The following MIAT variants were observed in gnomAD, a reference collection of about 807,000 sequenced individuals.
MIAT encodes the protein MI related novel mRNA.
At chr22:26,672,070 C>T (rs957676601), downstream of MIAT, 1 of 399,320 alleles carries the variant, frequency 2.5e-6, no homozygotes, top group African/African-American at 2.1e-5. Flanking sequence ...CTCAACTGCA[C>T]CCCGATCATC....
chr22:26,670,318 G>C, downstream of MIAT: 1 of 398,426 alleles, frequency 2.5e-6, no homozygotes, highest in Non-Finnish European at 4.4e-6. Flanking sequence ...AGAGTGGCTG[G>C]GGTTTGAACC....
At chr22:26,657,443 G>T in intron 2 of MIAT, 2 of 398,626 alleles carry the variant, frequency 5.0e-6, no homozygotes, top group Admixed American at 4.4e-5. Context: ...GCCTCCGCCC[G>T]CCAGCCGCTC....
rs528625303 is a variant in MIAT, at chr22:26,663,092, G to A, written n.647-224G>A. 2.6e-5 allele frequency among the ~76,000 whole-genome samples: 4 copies of A among 152,298 alleles called. No individual in the cohort carries two copies. The South Asian group carries it at 6.2e-4, about 24-fold the overall frequency. On this transcript the variant is annotated intron_variant and non_coding_transcript_variant, in intron 2 of 5. Coordinates refer to ENST00000643270, the Ensembl canonical transcript of MIAT. ...GGTCACACAGTTTGCCGGTGGCAGA[G>A]CAGCACAGGAATCCATGCCATAAAA...
chr22:26,652,506 G>A lies in MIAT; in HGVS notation n.646+5195G>A, dbSNP rs556191843. Among the ~76,000 whole-genome samples, 69 of 152,010 alleles carry A rather than the reference G, an allele frequency of 4.5e-4. 1 individual carries two copies. The South Asian group carries it at 0.013, about 28-fold the overall frequency. On this transcript the variant is annotated intron_variant and non_coding_transcript_variant, in intron 2 of 5. Coordinates refer to ENST00000643270, the Ensembl canonical transcript of MIAT. Reference sequence around the variant, plus strand: ...CTGAGTAGCTGGGATTACAGGCGCCGCCACCATGACCGGCTAATTTTTGTA... The same window carrying A: ...CTGAGTAGCTGGGATTACAGGCGCCACCACCATGACCGGCTAATTTTTGTA...
At chr22:26,659,707 A>T (rs1802985449) in intron 2 of MIAT, among the ~76,000 whole-genome samples, 1 of 151,940 alleles carries the variant, frequency 6.6e-6, no homozygotes, top group African/African-American at 2.4e-5. Flanking sequence ...GAGAATTTTT[A>T]TAATTTTTTC....
At chr22:26,649,236 C>T (rs949782663) in intron 2 of MIAT, among the ~76,000 whole-genome samples, 1 of 152,122 alleles carries the variant, frequency 6.6e-6, no homozygotes, top group Non-Finnish European at 1.5e-5. Flanking sequence ...AAGTTCCCTA[C>T]CCAAAGTCAC....
At chr22:26,653,518 C>T (rs948362006) in intron 2 of MIAT, among the ~76,000 whole-genome samples, 3 of 152,022 alleles carry the variant, frequency 2.0e-5, no homozygotes, top group Non-Finnish European at 4.4e-5. Context: ...CATTCCTGTA[C>T]GTAGGCTAGG....
chr22:26,650,243 A>C (rs898537745), intron 2 of MIAT: 1 of 152,232 alleles, frequency 6.6e-6, no homozygotes, highest in African/African-American at 2.4e-5. Flanking sequence ...AGAAAAGACC[A>C]CATGAGGACA....
chr22:26,656,816 A>G (rs1930471023), intron 2 of MIAT, among the ~76,000 whole-genome samples: 1 of 151,432 alleles, frequency 6.6e-6, no homozygotes, highest in African/African-American at 2.4e-5. Context: ...CGGGGGCAGG[A>G]GGACTGCTTG....
chr22:26,648,366 G>A (rs1930275604), intron 2 of MIAT, among the ~76,000 whole-genome samples: 1 of 152,172 alleles, frequency 6.6e-6, no homozygotes, highest in Non-Finnish European at 1.5e-5. Flanking sequence ...ACGCACGTAG[G>A]CAAGCGCACA....
At chr22:26,672,830 A>C, downstream of MIAT, 1 of 398,608 alleles carries the variant, frequency 2.5e-6, no homozygotes, top group Non-Finnish European at 4.4e-6. Context: ...TATTTAGTAC[A>C]CAGGAAGTCG....
intron 3 of MIAT, among the ~76,000 whole-genome samples, chr22:26,665,190 G>A (rs1450117433): frequency 1.1e-4 from 17 of 151,926 alleles, no homozygotes; most frequent in Middle Eastern, 6.8e-3. Context: ...GCAGTGAGCC[G>A]AGATCATGCC....
chr22:26,654,151 C>G (rs184116567), intron 2 of MIAT, among the ~76,000 whole-genome samples: 1 of 152,296 alleles, frequency 6.6e-6, no homozygotes, highest in East Asian at 1.9e-4. Context: ...GTTTTGCTAG[C>G]TCTTTAAGTA....
At chr22:26,656,859 T>C (rs1467618984) in intron 2 of MIAT, among the ~76,000 whole-genome samples, 3 of 152,150 alleles carry the variant, frequency 2.0e-5, no homozygotes, top group Admixed American at 2.0e-4. Context: ...CGGTGAGCTA[T>C]GATTGTGCCG....
At chr22:26,657,231 C>T (rs1028351667) in intron 2 of MIAT, 24 of 332,218 alleles carry the variant, frequency 7.2e-5, no homozygotes, top group African/African-American at 5.1e-4. Context: ...ATGACAGCGC[C>T]GCGGGTGGGG....
upstream of MIAT, chr22:26,646,435 G>C: frequency 2.5e-6 from 1 of 399,428 alleles, no homozygotes; most frequent in South Asian, 1.3e-4. Flanking sequence ...GGGCAGGCTG[G>C]AGTAGACAGG....
rs1189391284 is a variant in MIAT at position 26,659,840 on chromosome 22, C to CTTT, written n.647-3464_647-3462dup. 8.1e-4 allele frequency among the ~76,000 whole-genome samples: 77 copies of CTTT among 94,954 alleles called. 1 individual carries two copies. In the East Asian group the frequency reaches 0.013, roughly 16 times the overall value. 62.3% of individuals were successfully genotyped at this position (94,954 alleles called of 152,430 possible). A position where few individuals can be genotyped will look rare whatever the true frequency, so the allele number is the denominator to read the frequency against. ...TTTCTTTTTCTTTCTTTCTTTCTTTCTTTTTTTTTTTTTTGAAACAGAGCC... is the reference window on the plus strand; with the variant it reads ...TTTCTTTTTCTTTCTTTCTTTCTTTCTTTTTTTTTTTTTTTTTGAAACAGAGCC... On this transcript the variant is annotated intron_variant and non_coding_transcript_variant, in intron 2 of 5. Coordinates refer to ENST00000643270, the Ensembl canonical transcript of MIAT.
downstream of MIAT, chr22:26,674,081 A>G: frequency 5.0e-6 from 2 of 398,590 alleles, no homozygotes; most frequent in Non-Finnish European, 8.8e-6. Context: ...TAGAGTCTTC[A>G]TTTTGGGGAC....
At chr22:26,656,137 G>C (rs1930439987) in intron 2 of MIAT, 1 of 152,060 alleles carries the variant, frequency 6.6e-6, no homozygotes, top group Non-Finnish European at 1.5e-5. Flanking sequence ...TCACCCTCCA[G>C]AGTAGCTGGT....
Sources: allele counts gnomAD v4.1 joint callset (sites outside exome capture counted in the v4.1 genomes callset), GRCh38; gene constraint gnomAD v4.1.1; transcripts MANE v1.5; gene names NCBI Gene and HGNC (gene_info 2026-07-23, HGNC 2026-07-21).